Variants in REEP3 observed in about 807,000 individuals in gnomAD.
REEP3 encodes the protein receptor accessory protein 3, also known as receptor expression-enhancing protein 3.
In REEP3, 20 loss-of-function variants were observed where a neutral mutation model predicts 41.3. The observed-to-expected ratio is 0.48, with a 90% CI of 0.34 to 0.70. The LOEUF (loss-of-function observed/expected upper bound fraction) is 0.70, where lower values mean the gene tolerates loss of function less well. Among genes scored for constraint, REEP3 ranks in the 30% least tolerant of loss-of-function variants. REEP3 has a pLI of 0.01. For synonymous variants in REEP3, 104 were observed against 101.8 expected, an observed-to-expected ratio of 1.02 and a Z score of -0.13; for missense variants, 271 against 308.8, an observed-to-expected ratio of 0.88 and a Z score of 0.92.
intron 2 of REEP3, among the ~76,000 whole-genome samples, chr10:63,569,012 A>G (rs1472516088): frequency 6.6e-6 from 1 of 152,168 alleles, no homozygotes; most frequent in Non-Finnish European, 1.5e-5. Flanking sequence ...CTGTCAAATA[A>G]TGTACTTTTG....
intron 6 of REEP3, 61 bp from the exon 7 acceptor site, chr10:63,619,592 CAA>C (rs2133438684): frequency 6.8e-7 from 1 of 1,475,476 alleles, no homozygotes; most frequent in Non-Finnish European, 9.2e-7. Flanking sequence ...ACAGATGGGT[CAA>C]AGAGCCGGCG....
At chr10:63,535,777 A>C (rs990525606) in intron 1 of REEP3, among the ~76,000 whole-genome samples, 4 of 152,192 alleles carry the variant, frequency 2.6e-5, no homozygotes, top group Non-Finnish European at 4.4e-5. Context: ...ATAATTGGTT[A>C]TCTCTCAGAA....
At chr10:63,540,610 A>G (rs1955519766) in intron 1 of REEP3, among the ~76,000 whole-genome samples, 1 of 152,196 alleles carries the variant, frequency 6.6e-6, no homozygotes, top group Non-Finnish European at 1.5e-5. Context: ...TAGAATTGGA[A>G]CACCAGCCTT....
chr10:63,546,922 G>A lies in REEP3; in HGVS notation c.33-19416G>A, dbSNP rs542599520. 8.8e-4 allele frequency among the ~76,000 whole-genome samples: 134 copies of A among 151,638 alleles called. 3 individuals carry two copies. The South Asian group carries it at 0.027, about 31-fold the overall frequency. ...CAAAGATAATATAGAAAACTTCTTC[G>A]TGACTTTTTTTTTTTTTGAGACAGA... is the stretch of plus-strand genomic sequence containing the variant. On this transcript the variant is annotated intron_variant, in intron 1 of 7. Coordinates refer to ENST00000373758, the MANE Select transcript of REEP3 (RefSeq NM_001001330.3).
At chr10:63,555,726 G>C (rs6479906) in intron 1 of REEP3, among the ~76,000 whole-genome samples, 53,162 of 151,990 alleles carry the variant, frequency 0.35, 10,104 homozygotes, top group African/African-American at 0.48. Flanking sequence ...ACAACATATT[G>C]CTTAATCATA....
intron 5 of REEP3, among the ~76,000 whole-genome samples, chr10:63,608,048 G>T (rs1008482274): frequency 6.6e-6 from 1 of 152,114 alleles, no homozygotes; most frequent in Admixed American, 6.6e-5. Context: ...AGTAAATAAA[G>T]AAATCAGAAA....
intron 2 of REEP3, among the ~76,000 whole-genome samples, chr10:63,591,866 AC>A (rs1460818651): frequency 3.9e-5 from 6 of 152,170 alleles, no homozygotes; most frequent in Non-Finnish European, 8.8e-5. Flanking sequence ...CCTCTACTCA[AC>A]CCTATTAACA....
rs1956368982 is a variant in REEP3, at chr10:63,623,287, A to G, written c.*2418A>G. The G allele has an allele frequency of 6.6e-6, 1 of 152,008 alleles. No homozygotes were observed. Among genetic ancestry groups the G allele is most frequent in the Non-Finnish European group, 1.5e-5 (1 of 67,998 alleles). The allele number at this position is 152,008 out of a possible 1,614,324, so 9.4% of individuals were successfully genotyped here. On this transcript the variant is annotated 3_prime_UTR_variant, in exon 8 of 8. Coordinates refer to ENST00000373758, the MANE Select transcript of REEP3 (RefSeq NM_001001330.3). The stretch of plus-strand genomic sequence containing the variant: ...TCTTAAATTTTGGTTCTTTTCCTGT[A>G]CATGTGTTTTAGCGGGGCCCTTTTC...
intron 1 of REEP3, among the ~76,000 whole-genome samples, chr10:63,527,209 C>T (rs1307593838): frequency 1.3e-5 from 2 of 152,118 alleles, no homozygotes; most frequent in South Asian, 2.1e-4. Flanking sequence ...GCAGCTTTCC[C>T]CCTTCTTTTC....
rs1955232940 is a variant in REEP3, at chr10:63,521,404, C to T, written c.-142C>T. On this transcript the variant is annotated 5_prime_UTR_variant, in exon 1 of 8. Transcript: ENST00000373758. The stretch of plus-strand genomic sequence containing the variant: ...CGCAGCCCAGGCCGCCGCGCGCACA[C>T]ACCGGGCCCGGCTCCTGAGGGCGCC... 1.4e-5 allele frequency: 3 copies of T among 216,534 alleles called. No homozygotes were observed. In the South Asian group the frequency reaches 4.7e-4, roughly 34 times the overall value. The allele number at this position is 216,534 out of a possible 1,614,324, so 13.4% of individuals were successfully genotyped here.
chr10:63,531,353 C>G (rs904946103), intron 1 of REEP3, among the ~76,000 whole-genome samples: 15 of 152,204 alleles, frequency 9.9e-5, no homozygotes, highest in African/African-American at 3.6e-4. Context: ...GTGGGAGACT[C>G]TCCTGTGCAT....
At chr10:63,526,093 T>C (rs1383347727) in intron 1 of REEP3, among the ~76,000 whole-genome samples, 1 of 152,236 alleles carries the variant, frequency 6.6e-6, no homozygotes, top group Non-Finnish European at 1.5e-5. Context: ...ATCTTCAATA[T>C]ACATTTTTTG....
At chr10:63,600,529 T>C (rs1564489253) in intron 5 of REEP3, among the ~76,000 whole-genome samples, 1 of 152,316 alleles carries the variant, frequency 6.6e-6, no homozygotes, top group East Asian at 1.9e-4. Context: ...GTTTTCAGCT[T>C]AAAGGACTAT....
rs574591572 is a variant in REEP3 at position 63,564,572 on chromosome 10, G to C, written c.33-1766G>C. 4.6e-5 allele frequency among the ~76,000 whole-genome samples: 7 copies of C among 151,546 alleles called. No individual in the cohort carries two copies. In the East Asian group the frequency reaches 1.4e-3, roughly 29 times the overall value. ...TGGGAGACGGAGGCTGCAGTGAGCC[G>C]ATGTCACACCACTGCACTCCAGTCT... On this transcript the variant is annotated intron_variant, in intron 1 of 7. Coordinates refer to ENST00000373758, the MANE Select transcript of REEP3 (RefSeq NM_001001330.3).
intron 2 of REEP3, among the ~76,000 whole-genome samples, chr10:63,586,938 A>G (rs375159174): frequency 6.6e-6 from 1 of 151,558 alleles, no homozygotes; most frequent in South Asian, 2.1e-4. Flanking sequence ...AAAATAAAAC[A>G]TCAAACATCT....
At position 63,594,759 on chromosome 10, in the gene REEP3, G is replaced by A. The variant is rs2133405379; in HGVS notation, c.106-19G>A. Reference sequence around the variant, plus strand: ...ATAATTTTCATCTGTTGTTTCATGAGTATTTTTATTATTTCCAGGTTCGAT... The same window carrying A: ...ATAATTTTCATCTGTTGTTTCATGAATATTTTTATTATTTCCAGGTTCGAT... On this transcript the variant is annotated intron_variant, in intron 2 of 7. Coordinates refer to ENST00000373758, the MANE Select transcript of REEP3 (RefSeq NM_001001330.3). The A allele has an allele frequency of 6.6e-7, 1 of 1,511,956 alleles. No homozygotes were observed. Among genetic ancestry groups the A allele is most frequent in the South Asian group, 1.1e-5 (1 of 88,928 alleles). 93.7% of individuals were successfully genotyped at this position (1,511,956 alleles called of 1,614,324 possible).
At chr10:63,569,968 AT>A (rs1955838293) in intron 2 of REEP3, among the ~76,000 whole-genome samples, 1 of 152,176 alleles carries the variant, frequency 6.6e-6, no homozygotes, top group African/African-American at 2.4e-5. Context: ...TAATAATAAA[AT>A]AAAAATCAGA....
chr10:63,550,973 A>G (rs1173971124), intron 1 of REEP3, among the ~76,000 whole-genome samples: 1 of 152,234 alleles, frequency 6.6e-6, no homozygotes, highest in Admixed American at 6.5e-5. Flanking sequence ...ACAATAATCT[A>G]TAAAAATAAC....
intron 6 of REEP3, among the ~76,000 whole-genome samples, chr10:63,614,711 GGAAGA>G (rs1239938438): frequency 1.3e-5 from 2 of 152,170 alleles, no homozygotes; most frequent in Non-Finnish European, 2.9e-5. Context: ...TTAAGGGAAG[GGAAGA>G]GGAGTGTCAG....
Sources: gnomAD v4.1 joint callset for allele counts (sites outside exome capture counted in the v4.1 genomes callset) on GRCh38, gnomAD v4.1.1 for gene constraint, MANE v1.5 for transcripts, NCBI Gene and HGNC (gene_info 2026-07-23, HGNC 2026-07-21) for gene names.